The following SLIRP variants were observed in gnomAD, a reference collection of about 807,000 sequenced individuals.
SLIRP encodes SRA stem-loop-interacting RNA-binding protein, mitochondrial.
A neutral mutation model predicts 13.4 loss-of-function variants in SLIRP; 12 were observed. The observed-to-expected ratio is 0.89, with a 90% CI of 0.57 to 1.45. SLIRP has a LOEUF of 1.45. Ranked by LOEUF, SLIRP falls within the 40% of genes most tolerant of loss-of-function variation. The probability of loss-of-function intolerance (pLI) is 0.00; values close to 1 mark genes in which losing one functional copy is unlikely to be tolerated. For synonymous variants in SLIRP, 55 were observed against 47.1 expected, an observed-to-expected ratio of 1.17 and a Z score of -0.69; for missense variants, 154 against 132.2, an observed-to-expected ratio of 1.17 and a Z score of -0.81.
At chr14:77,714,088 G>T (rs944338971) in intron 2 of SLIRP, among the ~76,000 whole-genome samples, 2 of 151,734 alleles carry the variant, frequency 1.3e-5, no homozygotes, top group African/African-American at 4.8e-5. Flanking sequence ...GTTCACTGCA[G>T]GCTTGAACTC....
intron 3 of SLIRP, among the ~76,000 whole-genome samples, chr14:77,716,754 A>C (rs1365076909): frequency 1.3e-5 from 2 of 151,798 alleles, no homozygotes; most frequent in Non-Finnish European, 2.9e-5. Flanking sequence ...CACAGTGGAC[A>C]TAACAGTCTA....
chr14:77,714,819 C>T (rs1412992545), intron 2 of SLIRP, among the ~76,000 whole-genome samples: 1 of 152,078 alleles, frequency 6.6e-6, no homozygotes, highest in Non-Finnish European at 1.5e-5. Context: ...TTGAATGAGA[C>T]TAATGAGGAC....
At chr14:77,715,395 C>G (rs2544566) in intron 2 of SLIRP, among the ~76,000 whole-genome samples, 124,489 of 151,748 alleles carry the variant, frequency 0.82, 51,175 homozygotes, top group Middle Eastern at 0.86. Context: ...TGTAATTTCA[C>G]TACTTTGGGA....
chr14:77,712,769 C>T (rs2139878487), intron 2 of SLIRP, among the ~76,000 whole-genome samples: 2 of 152,198 alleles, frequency 1.3e-5, no homozygotes, highest in East Asian at 3.9e-4. Context: ...AACTGTAGGA[C>T]TGAGGTCTGT....
chr14:77,710,669 C>T, intron 1 of SLIRP, 169 bp from the exon 2 acceptor site: 1 of 1,543,776 alleles, frequency 6.5e-7, no homozygotes, highest in South Asian at 1.2e-5. Flanking sequence ...AAGTCTGGTA[C>T]ATTATGGCTT....
chr14:77,715,974 G>A (rs1157550444), intron 3 of SLIRP, 95 bp downstream of exon 3: 29 of 979,066 alleles, frequency 3.0e-5, no homozygotes, highest in Middle Eastern at 5.1e-4. Context: ...TGGAATGATG[G>A]GGACTTGGAG....
rs375835923 is a variant in SLIRP at position 77,715,741 on chromosome 14, A to C, written c.157-31A>C. On this transcript the variant is annotated intron_variant, in intron 2 of 3. Coordinates refer to ENST00000557342, the MANE Select transcript of SLIRP (RefSeq NM_031210.6). Reference sequence around the variant, plus strand: ...TCATGGAAACTTTCTGAAGTTCATGATTAATCTTTTCCTATATTTTGAATT... The same window carrying C: ...TCATGGAAACTTTCTGAAGTTCATGCTTAATCTTTTCCTATATTTTGAATT... 3.8e-6 allele frequency: 6 copies of C among 1,571,112 alleles called. No homozygotes were observed. The African/African-American group carries it at 8.2e-5, about 21-fold the overall frequency.
intron 1 of SLIRP, 99 bp downstream of exon 1, chr14:77,708,307 AT>A: frequency 8.5e-7 from 1 of 1,177,992 alleles, no homozygotes; most frequent in Non-Finnish European, 1.2e-6. Context: ...TGGTGGCTGA[AT>A]TAGGAGACTG....
chr14:77,711,017 T>G (rs1216771439), intron 2 of SLIRP, 121 bp downstream of exon 2: 4 of 845,744 alleles, frequency 4.7e-6, no homozygotes, highest in Non-Finnish European at 7.6e-6. Flanking sequence ...AATTGTACAT[T>G]TTAAAATAAC....
At chr14:77,716,292 G>C (rs2080478202) in intron 3 of SLIRP, 1 of 155,456 alleles carries the variant, frequency 6.4e-6, no homozygotes, top group Non-Finnish European at 1.4e-5. Context: ...ACTCCAGCCT[G>C]GGCGATAGCG....
intron 1 of SLIRP, among the ~76,000 whole-genome samples, chr14:77,708,473 T>C (rs1482085702): frequency 2.0e-5 from 3 of 152,200 alleles, no homozygotes; most frequent in African/African-American, 7.2e-5. Flanking sequence ...ATTTACAATT[T>C]AGAAGGGATA....
At position 77,708,154 on chromosome 14, in the gene SLIRP, A is replaced by G. The variant is rs201625168; in HGVS notation, c.43A>G (p.Ser15Gly). 3.8e-5 allele frequency: 61 copies of G among 1,614,206 alleles called. No homozygotes were observed. The South Asian group carries it at 4.8e-4, about 13-fold the overall frequency. Residue 15 changes from serine (S) to glycine (G), a missense_variant, in exon 1 of 4, where the codon AGT (serine) becomes GGT (glycine). By Grantham distance (56) the Ser-to-Gly change is moderately conservative. Transcript: ENST00000557342. ...AARGAAALRR[S>G]INQPVAFVRR... The stretch of plus-strand genomic sequence containing the variant: ...GAGAGGTGCTGCGGCGCTGCGTAGA[A>G]GTATCAATCAGCCGGTTGCTTTTGT...
At position 77,717,573 on chromosome 14, in the gene SLIRP, A is replaced by G. The variant is rs2080497988; in HGVS notation, c.*12A>G. On this transcript the variant is annotated 3_prime_UTR_variant, in exon 4 of 4. Transcript: ENST00000557342. ...AGAAAGATTTTTGAGACTGCAGCCT[A>G]TTAATAAAGTTAACATAACTGAGAA... 2.5e-6 allele frequency: 4 copies of G among 1,606,038 alleles called. No individual in the cohort carries two copies. Among genetic ancestry groups the G allele is most frequent in the East Asian group, 2.2e-5 (1 of 44,842 alleles).
chr14:77,717,100 GA>G (rs1227841119), intron 3 of SLIRP, among the ~76,000 whole-genome samples: 1 of 152,156 alleles, frequency 6.6e-6, no homozygotes, highest in African/African-American at 2.4e-5. Flanking sequence ...AGCTGGGGCT[GA>G]AATCTTGGCT....
intron 3 of SLIRP, 107 bp downstream of exon 3, chr14:77,715,986 G>T: frequency 1.1e-6 from 1 of 912,148 alleles, no homozygotes; most frequent in South Asian, 1.6e-5. Flanking sequence ...GACTTGGAGA[G>T]ATTTGTAACT....
rs141292990 is a variant in SLIRP at position 77,717,543 on chromosome 14, T to G, written c.312T>G (p.Asp104Glu). 3.1e-6 allele frequency: 5 copies of G among 1,614,014 alleles called. No homozygotes were observed. Among genetic ancestry groups the G allele is most frequent in the Admixed American group, 3.3e-5 (2 of 60,012 alleles). ...RRPKLPQTSDDEKKDF is the reference protein window; with the variant it reads ...RRPKLPQTSDEEKKDF ...CAAAACTTCCGCAAACATCTGATGA[T>G]GAAAAGAAAGATTTTTGAGACTGCA... Residue 104 changes from aspartate (D) to glutamate (E), a missense_variant, in exon 4 of 4, where the codon GAT becomes GAG. Asp to Glu is a conservative substitution (Grantham distance 45, BLOSUM62 2). Coordinates refer to ENST00000557342, the MANE Select transcript of SLIRP (RefSeq NM_031210.6).
chr14:77,712,224 A>G (rs1051708816), intron 2 of SLIRP, among the ~76,000 whole-genome samples: 1 of 151,384 alleles, frequency 6.6e-6, no homozygotes, highest in Non-Finnish European at 1.5e-5. Flanking sequence ...CAAAGGGTCA[A>G]CTGGGGAAAA....
intron 2 of SLIRP, among the ~76,000 whole-genome samples, chr14:77,714,864 A>G (rs1225212537): frequency 6.6e-6 from 1 of 152,168 alleles, no homozygotes; most frequent in Non-Finnish European, 1.5e-5. Flanking sequence ...ACATCTTAAT[A>G]TCTGTTTTCT....
chr14:77,714,901 A>C (rs2080464789), intron 2 of SLIRP, among the ~76,000 whole-genome samples: 1 of 152,218 alleles, frequency 6.6e-6, no homozygotes, highest in Non-Finnish European at 1.5e-5. Context: ...GGCAGGGTAC[A>C]TCCAAGCACT....
Sources: allele counts gnomAD v4.1 joint callset (sites outside exome capture counted in the v4.1 genomes callset), GRCh38; gene constraint gnomAD v4.1.1; transcripts MANE v1.5; gene names NCBI Gene and HGNC (gene_info 2026-07-23, HGNC 2026-07-21).